Variants in COL28A1 observed in about 807,000 individuals in gnomAD.
COL28A1 encodes the protein collagen alpha-1(XXVIII) chain.
In COL28A1, 161 loss-of-function variants were observed where a neutral mutation model predicts 150.2. The observed-to-expected ratio is 1.07, with a 90% CI of 0.94 to 1.22. The LOEUF (loss-of-function observed/expected upper bound fraction) is 1.22, where lower values mean the gene tolerates loss of function less well. COL28A1 is among the 50% of genes most tolerant of loss of function. The probability of loss-of-function intolerance (pLI) is 0.00; values close to 1 mark genes in which losing one functional copy is unlikely to be tolerated. For missense variants in COL28A1, 1,617 were observed against 1,388.3 expected (o/e 1.16, Z -2.62); for synonymous variants, 552 against 469.7 (o/e 1.18, Z -2.26).
intron 27 of COL28A1, among the ~76,000 whole-genome samples, chr7:7,385,432 T>C (rs954121118): frequency 6.6e-6 from 1 of 152,202 alleles, no homozygotes; most frequent in South Asian, 2.1e-4. Context: ...ACAGAGGAGC[T>C]GAGACTGTGG....
the COL28A1 span, among the ~76,000 whole-genome samples, chr7:7,543,407 T>G: frequency 0.014 from 2,194 of 152,340 alleles, 50 homozygotes; most frequent in African/African-American, 0.05. Flanking sequence ...CTTATTCAAC[T>G]GTTACAGATA....
chr7:7,462,058 G>A (rs1787675508), intron 15 of COL28A1, among the ~76,000 whole-genome samples: 1 of 152,160 alleles, frequency 6.6e-6, no homozygotes, highest in Non-Finnish European at 1.5e-5. Context: ...ATAGGACTCT[G>A]TGCAAACAGC....
At chr7:7,391,271 A>T (rs1782525775) in intron 27 of COL28A1, among the ~76,000 whole-genome samples, 1 of 152,154 alleles carries the variant, frequency 6.6e-6, no homozygotes, top group Non-Finnish European at 1.5e-5. Context: ...TTCAGTTTCC[A>T]TGTAGATGTG....
the COL28A1 span, among the ~76,000 whole-genome samples, chr7:7,350,655 C>CTTT: frequency 1.5e-3 from 177 of 115,080 alleles, no homozygotes; most frequent in African/African-American, 5.3e-3. Context: ...GTTTTCTTTC[C>CTTT]TTTTTTTTTT....
At chr7:7,348,907 T>TGTGCCATCTCTAAAAAA in the COL28A1 span, among the ~76,000 whole-genome samples, 1 of 152,034 alleles carries the variant, frequency 6.6e-6, no homozygotes, top group Non-Finnish European at 1.5e-5. Context: ...CACACCCAGA[T>TGTGCCATCTCTAAAAAA]AATTTTTTAA....
chr7:7,345,872 G>C, the COL28A1 span, among the ~76,000 whole-genome samples: 3 of 151,970 alleles, frequency 2.0e-5, no homozygotes, highest in Non-Finnish European at 2.9e-5. Flanking sequence ...CCCTGCTTGA[G>C]ATTCTTAGCT....
At chr7:7,372,769 C>G (rs1426839034) in intron 32 of COL28A1, among the ~76,000 whole-genome samples, 2 of 152,180 alleles carry the variant, frequency 1.3e-5, no homozygotes, top group Non-Finnish European at 2.9e-5. Flanking sequence ...TAGTTAACTC[C>G]AAGGCCAACT....
chr7:7,414,843 G>A (rs1325900720), intron 27 of COL28A1, among the ~76,000 whole-genome samples: 1 of 152,116 alleles, frequency 6.6e-6, no homozygotes, highest in Non-Finnish European at 1.5e-5. Context: ...CCTCACAAGG[G>A]CCCTGCCTAC....
At position 7,504,481 on chromosome 7, in the gene COL28A1, C is replaced by G. The variant is rs183103168; in HGVS notation, c.1026+1533G>C. On this transcript the variant is annotated intron_variant, in intron 11 of 34. Coordinates refer to ENST00000399429, the MANE Select transcript of COL28A1 (RefSeq NM_001037763.3). ...TGCCACTGTACTCCAGCTGGGGGAA[C>G]AGAGCAACATCCTATCTCTAAAAAA... 4.7e-3 allele frequency among the ~76,000 whole-genome samples: 721 copies of G among 152,178 alleles called. 6 individuals carry two copies. The highest frequency in any genetic ancestry group is 0.011 in the South Asian group (53 of 4,810).
intron 6 of COL28A1, 138 bp from the exon 7 acceptor site, chr7:7,517,975 A>G (rs1005956138): frequency 1.7e-5 from 15 of 888,564 alleles, no homozygotes; most frequent in Non-Finnish European, 2.4e-5. Context: ...CATTTTCACT[A>G]TGCAATCTAG....
chr7:7,361,077 T>C (rs1455212660), intron 33 of COL28A1, among the ~76,000 whole-genome samples: 1 of 147,754 alleles, frequency 6.8e-6, no homozygotes, highest in Admixed American at 6.9e-5. Context: ...CACTTTTTGA[T>C]TGCTTACCCA....
chr7:7,400,700 C>A (rs1035668637), intron 27 of COL28A1, among the ~76,000 whole-genome samples: 5 of 148,772 alleles, frequency 3.4e-5, no homozygotes, highest in Non-Finnish European at 7.4e-5. Context: ...AAAAAAAAAA[C>A]CTTCCTTAAT....
At chr7:7,430,439 G>A (rs1454710773) in intron 25 of COL28A1, among the ~76,000 whole-genome samples, 2 of 151,920 alleles carry the variant, frequency 1.3e-5, no homozygotes, top group African/African-American at 4.8e-5. Flanking sequence ...TTTTTTAAGT[G>A]TTCTTTATCT....
At chr7:7,429,536 G>T (rs75501822) in intron 25 of COL28A1, among the ~76,000 whole-genome samples, 7,588 of 151,486 alleles carry the variant, frequency 0.05, 679 homozygotes, top group African/African-American at 0.18. Flanking sequence ...AGAAAAAAAG[G>T]CCACATAGAA....
At chr7:7,538,703 A>G (rs999554505), upstream of COL28A1, among the ~76,000 whole-genome samples, 3 of 152,112 alleles carry the variant, frequency 2.0e-5, no homozygotes, top group African/African-American at 7.2e-5. Flanking sequence ...TACATATTTC[A>G]GAGAATTGTA....
intron 1 of COL28A1, among the ~76,000 whole-genome samples, chr7:7,533,138 A>C (rs1782461916): frequency 6.6e-6 from 1 of 152,124 alleles, no homozygotes; most frequent in Non-Finnish European, 1.5e-5. Context: ...TATTCAAAGA[A>C]CTATATTTAA....
At chr7:7,511,027 C>T in intron 9 of COL28A1, 64 bp downstream of exon 9, 1 of 1,317,452 alleles carries the variant, frequency 7.6e-7, no homozygotes, top group Non-Finnish European at 1.1e-6. Flanking sequence ...CAGGAATTTC[C>T]CCTTAAGGAA....
intron 27 of COL28A1, among the ~76,000 whole-genome samples, chr7:7,403,293 G>A (rs1163075754): frequency 6.6e-6 from 1 of 152,080 alleles, no homozygotes; most frequent in East Asian, 1.9e-4. Flanking sequence ...AAAGCCGAGG[G>A]GAGGAGAAGA....
At chr7:7,539,237 A>C (rs1008878036), upstream of COL28A1, among the ~76,000 whole-genome samples, 5 of 152,208 alleles carry the variant, frequency 3.3e-5, no homozygotes, top group African/African-American at 1.2e-4. Flanking sequence ...TGCAAGAAGC[A>C]TGACACCAGC....
Sources: gnomAD v4.1 joint callset for allele counts (sites outside exome capture counted in the v4.1 genomes callset) on GRCh38, gnomAD v4.1.1 for gene constraint, MANE v1.5 for transcripts, NCBI Gene and HGNC (gene_info 2026-07-23, HGNC 2026-07-21) for gene names.